The following SOX5 variants were observed in gnomAD, a reference collection of about 807,000 sequenced individuals.
SOX5 encodes the protein SRY-box transcription factor 5.
Under a neutral mutation model 92.0 loss-of-function variants are expected in SOX5, and 9 were observed. The observed-to-expected ratio is 0.10, with a 90% CI of 0.06 to 0.17. SOX5 has a LOEUF of 0.17. Ranked by LOEUF, SOX5 falls within the 10% of genes least tolerant of loss-of-function variation. SOX5 has a pLI of 1.00. For missense variants in SOX5, 642 were observed against 944.5 expected (o/e 0.68, Z 4.20); for synonymous variants, 344 against 336.3 (o/e 1.02, Z -0.25).
At chr12:23,860,395 G>GA (rs1370658393) in intron 2 of SOX5, among the ~76,000 whole-genome samples, 5 of 151,468 alleles carry the variant, frequency 3.3e-5, no homozygotes, top group South Asian at 2.1e-4. Context: ...AAAATAATAA[G>GA]AAAAAAAAGA....
chr12:23,974,677 T>A (rs1483061720), intron 4 of SOX5, among the ~76,000 whole-genome samples: 2 of 152,120 alleles, frequency 1.3e-5, no homozygotes. Flanking sequence ...AGAGAGTGAA[T>A]CATCTTGCAA....
chr12:23,976,552 T>C (rs1948938683), intron 4 of SOX5, among the ~76,000 whole-genome samples: 2 of 152,106 alleles, frequency 1.3e-5, no homozygotes, highest in Admixed American at 1.3e-4. Context: ...AATATAACAT[T>C]TGCTAAGACT....
intron 6 of SOX5, among the ~76,000 whole-genome samples, chr12:23,729,995 C>T (rs997310075): frequency 3.3e-5 from 5 of 152,114 alleles, no homozygotes; most frequent in Non-Finnish European, 5.9e-5. Context: ...TCTCCAGGAA[C>T]ACTCAATTTG....
chr12:23,748,140 A>G (rs1458201960), intron 4 of SOX5, among the ~76,000 whole-genome samples: 1 of 152,008 alleles, frequency 6.6e-6, no homozygotes, highest in African/African-American at 2.4e-5. Flanking sequence ...TCTTATTGAT[A>G]TAGTTATTTA....
intron 4 of SOX5, among the ~76,000 whole-genome samples, chr12:24,003,493 T>C (rs1377662207): frequency 1.3e-5 from 2 of 151,946 alleles, no homozygotes; most frequent in Non-Finnish European, 2.9e-5. Context: ...AAAAATCAAT[T>C]ATACTTCTAT....
At chr12:23,611,369 C>CGT (rs3030241) in intron 8 of SOX5, among the ~76,000 whole-genome samples, 4,300 of 137,042 alleles carry the variant, frequency 0.031, 70 homozygotes, top group East Asian at 0.048. Flanking sequence ...TGTGTGTGTG[C>CGT]GTGTGTGTGT....
At chr12:23,987,450 A>G (rs1453925172) in intron 4 of SOX5, among the ~76,000 whole-genome samples, 1 of 152,186 alleles carries the variant, frequency 6.6e-6, no homozygotes, top group Non-Finnish European at 1.5e-5. Context: ...GGAGCATAGT[A>G]GGGTAGCAGA....
At position 24,539,380 on chromosome 12, in the gene SOX5, A is replaced by G. The variant is rs563776259; in HGVS notation, c.-251+22949T>C. On this transcript the variant is annotated intron_variant, in intron 1 of 4. Transcript: ENST00000446891. ...GTCTGTATAAATCACATATCATGTT[A>G]AACAAGAAGTCATTATTGTCTCCAA... is the stretch of plus-strand genomic sequence containing the variant. Among the ~76,000 whole-genome samples the G allele has an allele frequency of 7.2e-5, 11 of 152,294 alleles. 1 individual carries two copies. In the South Asian group the frequency reaches 2.3e-3, roughly 32 times the overall value.
chr12:23,739,817 C>T (rs528075351), intron 5 of SOX5, among the ~76,000 whole-genome samples: 2 of 152,328 alleles, frequency 1.3e-5, no homozygotes, highest in Admixed American at 1.3e-4. Context: ...GCTGCCCAAT[C>T]TAAGGAGCAT....
At chr12:24,138,297 AT>A (rs1950281192) in intron 4 of SOX5, among the ~76,000 whole-genome samples, 1 of 152,134 alleles carries the variant, frequency 6.6e-6, no homozygotes, top group Admixed American at 6.5e-5. Flanking sequence ...TTGAGAACTG[AT>A]TTTTTCTCCT....
chr12:23,783,446 T>A (rs1220493322), intron 3 of SOX5, among the ~76,000 whole-genome samples: 1 of 152,164 alleles, frequency 6.6e-6, no homozygotes, highest in African/African-American at 2.4e-5. Flanking sequence ...TAAGCAAAGA[T>A]TTAAAAGTAG....
At chr12:24,430,489 T>A (rs1230578250) in intron 1 of SOX5, among the ~76,000 whole-genome samples, 1 of 151,656 alleles carries the variant, frequency 6.6e-6, no homozygotes. Context: ...CTTAACAGCA[T>A]CAATAAAATT....
intron 11 of SOX5, among the ~76,000 whole-genome samples, chr12:23,558,597 A>T (rs2136275297): frequency 6.7e-6 from 1 of 150,258 alleles, no homozygotes; most frequent in Non-Finnish European, 1.5e-5. Flanking sequence ...GATAAAAATG[A>T]ATCACTACTT....
chr12:23,998,996 A>G (rs903970474), intron 4 of SOX5, among the ~76,000 whole-genome samples: 13 of 152,122 alleles, frequency 8.5e-5, no homozygotes, highest in Non-Finnish European at 1.6e-4. Flanking sequence ...AGACCAAGAG[A>G]TAATTTTAAA....
chr12:23,727,591 A>T (rs1425124911), intron 6 of SOX5, among the ~76,000 whole-genome samples: 1 of 152,184 alleles, frequency 6.6e-6, no homozygotes, highest in Non-Finnish European at 1.5e-5. Context: ...GGTTGTAAGT[A>T]AAATGAAGTT....
At chr12:23,743,599 A>G (rs1464549280) in intron 4 of SOX5, among the ~76,000 whole-genome samples, 1 of 152,120 alleles carries the variant, frequency 6.6e-6, no homozygotes, top group African/African-American at 2.4e-5. Context: ...TTTTGTATTT[A>G]GAAAATTTTT....
At chr12:24,112,838 C>T (rs1947534049) in intron 4 of SOX5, among the ~76,000 whole-genome samples, 1 of 151,878 alleles carries the variant, frequency 6.6e-6, no homozygotes, top group Admixed American at 6.6e-5. Context: ...CCATGACTGC[C>T]CTAAGGTATT....
At chr12:23,762,596 G>C in intron 3 of SOX5, 2 of 518,064 alleles carry the variant, frequency 3.9e-6, no homozygotes, top group Non-Finnish European at 6.7e-6. Context: ...GTTAATGAGA[G>C]CCTGTTAATA....
chr12:23,923,639 A>G (rs896092003), intron 1 of SOX5, among the ~76,000 whole-genome samples: 6 of 152,138 alleles, frequency 3.9e-5, no homozygotes, highest in African/African-American at 1.4e-4. Context: ...CCAAGCTCAA[A>G]GAACAATACT....
Sources: allele counts gnomAD v4.1 joint callset (sites outside exome capture counted in the v4.1 genomes callset), GRCh38; gene constraint gnomAD v4.1.1; transcripts MANE v1.5; gene names NCBI Gene and HGNC (gene_info 2026-07-23, HGNC 2026-07-21).